Variants in DACH2 observed in about 807,000 individuals in gnomAD.
The protein encoded by DACH2 is dachshund homolog 2.
DACH2 carries 17 observed loss-of-function variants against 35.8 expected under a neutral mutation model. The ratio of observed to expected loss-of-function variants is 0.48; its 90% CI spans 0.33 to 0.71. DACH2 has a LOEUF of 0.71. Ranked by LOEUF, DACH2 falls within the 30% of genes least tolerant of loss-of-function variation. The pLI is 0.02. For missense variants in DACH2, 469 were observed against 472.7 expected (o/e 0.99, Z 0.07); for synonymous variants, 195 against 177.3 (o/e 1.10, Z -0.79).
At chrX:86,662,214 A>C (rs191681740) in intron 4 of DACH2, among the ~76,000 whole-genome samples, 115 of 111,608 alleles carry the variant, frequency 1.0e-3, no homozygotes, top group African/African-American at 3.4e-3. Context: ...CTGGTCACAT[A>C]TGGGGTAAGA....
At chrX:86,504,868 C>T (rs1489784604) in intron 2 of DACH2, among the ~76,000 whole-genome samples, 3 of 111,316 alleles carry the variant, frequency 2.7e-5, no homozygotes, top group Non-Finnish European at 5.7e-5. Context: ...CAAAGATTTT[C>T]GGGGGAGAGA....
chrX:86,660,498 A>G (rs1009918244), intron 4 of DACH2, among the ~76,000 whole-genome samples: 2 of 112,118 alleles, frequency 1.8e-5, no homozygotes, highest in Non-Finnish European at 3.8e-5. Context: ...GGGCCAAAAA[A>G]TAATAGAATT....
At chrX:86,714,854 G>A (rs747742798) in intron 6 of DACH2, 134 bp downstream of exon 6, 1 of 526,178 alleles carries the variant, frequency 1.9e-6, no homozygotes, top group East Asian at 4.0e-5. Context: ...GTATTGATGG[G>A]TTTAGTTTGT....
At chrX:86,282,257 A>G (rs2034044366) in intron 1 of DACH2, among the ~76,000 whole-genome samples, 1 of 111,824 alleles carries the variant, frequency 8.9e-6, no homozygotes, top group East Asian at 2.8e-4. Flanking sequence ...AAACTATACT[A>G]CAAGGCTACA....
intron 1 of DACH2, among the ~76,000 whole-genome samples, chrX:86,249,750 A>G (rs1334095176): frequency 1.8e-5 from 2 of 111,615 alleles, no homozygotes; most frequent in African/African-American, 6.5e-5. Context: ...ACACATACAC[A>G]TCTATGTTCA....
chrX:86,511,463 C>A (rs1486298718), intron 2 of DACH2, among the ~76,000 whole-genome samples: 2 of 111,417 alleles, frequency 1.8e-5, no homozygotes, highest in Non-Finnish European at 3.8e-5. Context: ...GCAGGGATCT[C>A]ACAACCATAC....
chrX:86,338,769 G>T (rs887903330), intron 1 of DACH2, among the ~76,000 whole-genome samples: 1 of 111,529 alleles, frequency 9.0e-6, no homozygotes, highest in African/African-American at 3.3e-5. Flanking sequence ...AAAAATCAAT[G>T]AATCCAGGAG....
chrX:86,237,227 A>G (rs1760223469), intron 1 of DACH2, among the ~76,000 whole-genome samples: 2 of 111,545 alleles, frequency 1.8e-5, no homozygotes, highest in Admixed American at 9.6e-5. Context: ...CTTCTGTAAT[A>G]CTTCTTGAAA....
At chrX:86,187,417 GT>G (rs754834305) in intron 1 of DACH2, among the ~76,000 whole-genome samples, 90 of 91,251 alleles carry the variant, frequency 9.9e-4, no homozygotes, top group South Asian at 8.7e-3. Context: ...ATCTGACTTA[GT>G]TTTTTTTTTT....
At chrX:86,293,626 C>A (rs1186913723) in intron 1 of DACH2, among the ~76,000 whole-genome samples, 1 of 110,108 alleles carries the variant, frequency 9.1e-6, no homozygotes, top group Non-Finnish European at 1.9e-5. Flanking sequence ...CTGGTGGTGA[C>A]AAAATCTGTC....
chrX:86,624,047 C>CAAAAAAAAAAAAA (rs1466830603), intron 3 of DACH2, among the ~76,000 whole-genome samples: 1 of 16,342 alleles, frequency 6.1e-5, no homozygotes, highest in African/African-American at 2.9e-4. Flanking sequence ...AACTCCGTCT[C>CAAAAAAAAAAAAA]AAAAAAACAA....
At chrX:86,638,906 G>T (rs1268058352) in intron 3 of DACH2, among the ~76,000 whole-genome samples, 1 of 111,933 alleles carries the variant, frequency 8.9e-6, no homozygotes, top group African/African-American at 3.3e-5. Context: ...TCCCACAACT[G>T]GGTATCTACC....
intron 2 of DACH2, among the ~76,000 whole-genome samples, chrX:86,494,858 A>G (rs781147075): frequency 3.3e-4 from 37 of 112,669 alleles, no homozygotes; most frequent in Middle Eastern, 4.6e-3. Context: ...GCATTGCCCA[A>G]TGGAAATATA....
At chrX:86,707,286 G>T (rs566826090) in intron 5 of DACH2, among the ~76,000 whole-genome samples, 2 of 111,454 alleles carry the variant, frequency 1.8e-5, no homozygotes, top group African/African-American at 6.5e-5. Flanking sequence ...CACACAAGAA[G>T]AAACAGATAA....
At chrX:86,626,430 G>A (rs1034202856) in intron 3 of DACH2, among the ~76,000 whole-genome samples, 4 of 112,711 alleles carry the variant, frequency 3.5e-5, no homozygotes, top group Admixed American at 2.8e-4. Flanking sequence ...GGTGCAAGCT[G>A]TCAGTGGAAC....
chrX:86,476,079 C>T (rs907294779), intron 2 of DACH2, among the ~76,000 whole-genome samples: 7 of 111,390 alleles, frequency 6.3e-5, no homozygotes, highest in Non-Finnish European at 1.1e-4. Context: ...TCAGGTTGTT[C>T]GTATTTTGTT....
intron 7 of DACH2, among the ~76,000 whole-genome samples, chrX:86,756,335 A>C (rs1174882439): frequency 9.0e-6 from 1 of 111,206 alleles, no homozygotes; most frequent in African/African-American, 3.3e-5. Flanking sequence ...GCATTATGGT[A>C]ATTTTAATAT....
chrX:86,320,408 G>T (rs1431330830), intron 1 of DACH2, among the ~76,000 whole-genome samples: 1 of 111,902 alleles, frequency 8.9e-6, no homozygotes, highest in Non-Finnish European at 1.9e-5. Flanking sequence ...ACCACTACCT[G>T]TTCACAGTCA....
intron 3 of DACH2, among the ~76,000 whole-genome samples, chrX:86,528,330 A>G (rs62594981): frequency 0.049 from 5,484 of 111,643 alleles, 118 homozygotes; most frequent in Middle Eastern, 0.1. Context: ...GCTGAAAAAG[A>G]TATCCTTTGG....
Sources: allele counts gnomAD v4.1 joint callset (sites outside exome capture counted in the v4.1 genomes callset), GRCh38; gene constraint gnomAD v4.1.1; transcripts MANE v1.5; gene names NCBI Gene and HGNC (gene_info 2026-07-23, HGNC 2026-07-21).